VPS35L: variants seen among roughly 807,000 people sequenced by gnomAD.
VPS35L encodes the protein VPS35 endosomal protein-sorting factor-like.
VPS35L carries 83 observed loss-of-function variants against 133.0 expected under a neutral mutation model. The observed-to-expected ratio is 0.62, with a 90% CI of 0.52 to 0.75. The LOEUF (loss-of-function observed/expected upper bound fraction) is 0.75. Among genes scored for constraint, VPS35L ranks in the 30% least tolerant of loss-of-function variants. VPS35L has a pLI of 0.00. For missense variants in VPS35L, 1,083 were observed against 1,206.8 expected (o/e 0.90, Z 1.52); for synonymous variants, 423 against 449.9 (o/e 0.94, Z 0.76).
At chr16:19,691,935 C>G (rs1975704499) in intron 29 of VPS35L, among the ~76,000 whole-genome samples, 1 of 151,346 alleles carries the variant, frequency 6.6e-6, no homozygotes, top group Non-Finnish European at 1.5e-5. Flanking sequence ...AGTGCAGTGG[C>G]ATAATCTCGG....
chr16:19,603,583 G>GAACA (rs1972453485), intron 9 of VPS35L, among the ~76,000 whole-genome samples: 2 of 152,164 alleles, frequency 1.3e-5, no homozygotes, highest in Non-Finnish European at 2.9e-5. Flanking sequence ...CGTCACACCT[G>GAACA]TGACGATGTT....
In VPS35L at chr16:19,699,200, T is replaced by TC. The variant is rs1320535274; in HGVS notation, c.2647-301dup. Reference sequence around the variant, plus strand: ...AGGCTTGTCCCTGCTGGGGTACCCTTCATTCCTCGACCTCACTGACTGGTG... The same window carrying TC: ...AGGCTTGTCCCTGCTGGGGTACCCTTCCATTCCTCGACCTCACTGACTGGTG... On this transcript the variant is annotated intron_variant, in intron 29 of 30. Transcript: ENST00000417362. The surrounding 1 kb of genome is among the most constrained non-coding windows in gnomAD (Gnocchi z 4.2). Among the ~76,000 whole-genome samples, 1 of 152,224 alleles carries TC rather than the reference T, an allele frequency of 6.6e-6. No individual in the cohort carries two copies. The highest frequency in any genetic ancestry group is 2.4e-5 in the African/African-American group (1 of 41,454).
At chr16:19,614,428 T>C (rs1972821635) in intron 12 of VPS35L, among the ~76,000 whole-genome samples, 1 of 152,132 alleles carries the variant, frequency 6.6e-6, no homozygotes, top group Non-Finnish European at 1.5e-5. Flanking sequence ...TTTGAAGAAA[T>C]AGGGAACCAG....
At chr16:19,653,257 T>C (rs1974191117) in intron 26 of VPS35L, among the ~76,000 whole-genome samples, 2 of 152,170 alleles carry the variant, frequency 1.3e-5, no homozygotes, top group Non-Finnish European at 2.9e-5. Flanking sequence ...GGTTACCTAC[T>C]GCAACGGTGT....
intron 26 of VPS35L, among the ~76,000 whole-genome samples, chr16:19,662,288 T>G (rs1028525846): frequency 5.9e-5 from 9 of 152,148 alleles, no homozygotes; most frequent in Non-Finnish European, 1.2e-4. Flanking sequence ...GCAGATCACC[T>G]GAGGTCAGGG....
rs768146246 is a variant in VPS35L at position 19,569,227 on chromosome 16, T to C, written c.118-197T>C. 1.5e-5 allele frequency: 11 copies of C among 734,418 alleles called. No individual in the cohort carries two copies. In the South Asian group the frequency reaches 1.6e-4, roughly 11 times the overall value. 45.5% of individuals were successfully genotyped at this position (734,418 alleles called of 1,614,324 possible). A position where few individuals can be genotyped will look rare whatever the true frequency, so the allele number is the denominator to read the frequency against. On this transcript the variant is annotated intron_variant, in intron 2 of 30. Coordinates refer to ENST00000417362, the MANE Select transcript of VPS35L (RefSeq NM_020314.7). ...ACACTTCCTAACCCTAACTTCCTAC[T>C]TTCCCTTCCTTGACAGTTGTGATCC...
chr16:19,605,476 A>G (rs930957756), intron 9 of VPS35L, among the ~76,000 whole-genome samples: 2 of 152,150 alleles, frequency 1.3e-5, no homozygotes, highest in African/African-American at 4.8e-5. Flanking sequence ...CTCCTCACCA[A>G]GGCTTCAGCC....
At chr16:19,679,918 C>T (rs1190714210) in intron 27 of VPS35L, among the ~76,000 whole-genome samples, 2 of 152,242 alleles carry the variant, frequency 1.3e-5, no homozygotes, top group African/African-American at 4.8e-5. Context: ...CACACATTCA[C>T]GTTGGATATA....
At chr16:19,634,036 A>G (rs1301868845) in intron 19 of VPS35L, among the ~76,000 whole-genome samples, 1 of 152,002 alleles carries the variant, frequency 6.6e-6, no homozygotes, top group Non-Finnish European at 1.5e-5. Context: ...AACTGTTAAC[A>G]TTTTACTACA....
chr16:19,685,262 T>G (rs1220512821), intron 28 of VPS35L, among the ~76,000 whole-genome samples: 1 of 152,166 alleles, frequency 6.6e-6, no homozygotes, highest in Non-Finnish European at 1.5e-5. Context: ...ATTTATTAGT[T>G]TGCCACTTTC....
intron 27 of VPS35L, among the ~76,000 whole-genome samples, chr16:19,676,955 C>T (rs1975083440): frequency 6.6e-6 from 1 of 152,086 alleles, no homozygotes; most frequent in African/African-American, 2.4e-5. Context: ...TTAGTAATAA[C>T]ACTTCCAGCT....
At chr16:19,598,282 G>A (rs1159816985) in intron 8 of VPS35L, among the ~76,000 whole-genome samples, 1 of 152,158 alleles carries the variant, frequency 6.6e-6, no homozygotes, top group East Asian at 1.9e-4. Flanking sequence ...CTTGAATAGT[G>A]CTTGGCACAA....
Position 19,602,356 on chromosome 16 carries a change from AAGCTAG to A in VPS35L, c.784+637_784+642del, listed in dbSNP as rs1471463702. Among the ~76,000 whole-genome samples the A allele has an allele frequency of 1.3e-5, 2 of 152,104 alleles. 1 individual carries two copies. Among genetic ancestry groups the A allele is most frequent in the South Asian group, 4.1e-4 (2 of 4,828 alleles). On this transcript the variant is annotated intron_variant, in intron 9 of 30. Transcript: ENST00000417362. ...TATGAGGAAACGTTCTCATCCGTCC[AAGCTAG>A]AGCAACCAGCTTGCTCCATTGCCGC...
chr16:19,689,485 T>A (rs901290451), intron 28 of VPS35L, among the ~76,000 whole-genome samples: 1 of 152,052 alleles, frequency 6.6e-6, no homozygotes, highest in African/African-American at 2.4e-5. Flanking sequence ...TTGGCCAGGC[T>A]GGTCTCAAAC....
intron 10 of VPS35L, 133 bp from the exon 11 acceptor site, chr16:19,608,841 G>T (rs1204754295): frequency 3.1e-6 from 2 of 652,370 alleles, no homozygotes; most frequent in African/African-American, 3.6e-5. Context: ...ACCTTAGTTC[G>T]CTGGATTGTT....
In VPS35L at chr16:19,573,374, C is replaced by A. The variant is rs540247965; in HGVS notation, c.408+133C>A. Reference sequence around the variant, plus strand: ...TTTTTCTACTTCTCTTAAAAGCTCACATATAAGGCTTCATGTAGTATGTCA... The same window carrying A: ...TTTTTCTACTTCTCTTAAAAGCTCAAATATAAGGCTTCATGTAGTATGTCA... On this transcript the variant is annotated intron_variant, in intron 4 of 30. Transcript: ENST00000417362. 3.9e-4 allele frequency: 397 copies of A among 1,028,672 alleles called. 3 individuals carry two copies. In the South Asian group the frequency reaches 6.2e-3, roughly 16 times the overall value. 63.7% of individuals were successfully genotyped at this position (1,028,672 alleles called of 1,614,324 possible).
At chr16:19,597,420 C>T (rs934445332) in intron 8 of VPS35L, among the ~76,000 whole-genome samples, 1 of 151,404 alleles carries the variant, frequency 6.6e-6, no homozygotes, top group African/African-American at 2.4e-5. Context: ...TGTTGGTATT[C>T]ACTTGTGTCT....
chr16:19,684,239 G>A (rs1975381874), intron 28 of VPS35L, among the ~76,000 whole-genome samples: 1 of 152,116 alleles, frequency 6.6e-6, no homozygotes, highest in Admixed American at 6.5e-5. Flanking sequence ...CCAGTTCCAG[G>A]CCTTTTCCCA....
At chr16:19,580,807 A>G (rs916426371) in intron 6 of VPS35L, among the ~76,000 whole-genome samples, 1 of 151,902 alleles carries the variant, frequency 6.6e-6, no homozygotes, top group Non-Finnish European at 1.5e-5. Context: ...TTTACAGTCC[A>G]TTTCTTTGTT....
Sources: allele counts gnomAD v4.1 joint callset (sites outside exome capture counted in the v4.1 genomes callset), GRCh38; gene constraint gnomAD v4.1.1; non-coding constraint Gnocchi (gnomAD v3.1); transcripts MANE v1.5; gene names NCBI Gene and HGNC (gene_info 2026-07-23, HGNC 2026-07-21).